ADGRE1: variants seen among roughly 807,000 people sequenced by gnomAD.
ADGRE1 encodes EGF-like module receptor 1.
In ADGRE1, 82 loss-of-function variants were observed where a neutral mutation model predicts 102.7. The ratio of observed to expected loss-of-function variants is 0.80; its 90% CI spans 0.67 to 0.96. The LOEUF (loss-of-function observed/expected upper bound fraction) is 0.96, where lower values mean the gene tolerates loss of function less well. Ranked by LOEUF, ADGRE1 falls within the 40% of genes least tolerant of loss-of-function variation. The pLI is 0.00. For missense variants in ADGRE1, 1,032 were observed against 1,085.3 expected, an observed-to-expected ratio of 0.95 and a Z score of 0.69; for synonymous variants, 398 against 399.6, an observed-to-expected ratio of 1.00 and a Z score of 0.05.
At position 6,900,484 on chromosome 19, in the gene ADGRE1, C is replaced by CA; in HGVS notation, c.515-1386dup. ...TGGATAACAGAGCAAGACCTTGTCT[C>CA]AAAAATAAATATATAAATAAATATG... On this transcript the variant is annotated intron_variant, in intron 5 of 20. Transcript: ENST00000312053. Among the ~76,000 whole-genome samples, 5 of 152,202 alleles carry CA rather than the reference C, an allele frequency of 3.3e-5. No individual in the cohort carries two copies. In the Middle Eastern group the frequency reaches 0.017, roughly 518 times the overall value.
intron 14 of ADGRE1, among the ~76,000 whole-genome samples, chr19:6,922,947 G>A (rs911380217): frequency 1.3e-4 from 19 of 151,572 alleles, no homozygotes; most frequent in African/African-American, 4.6e-4. Flanking sequence ...CGTGGTGGCG[G>A]GCACCTGCAG....
intron 2 of ADGRE1, among the ~76,000 whole-genome samples, chr19:6,893,735 C>T (rs162585): frequency 0.99 from 150,049 of 152,292 alleles, 73,931 homozygotes; most frequent in East Asian, 1. Context: ...GGGAATGGTG[C>T]CCATTTCCTG....
rs1261838424 is a variant in ADGRE1 at position 6,937,283 on chromosome 19, G to C, written c.2422G>C (p.Gly808Arg). 1.9e-6 allele frequency: 3 copies of C among 1,613,930 alleles called. No homozygotes were observed. In the African/African-American group the frequency reaches 4.0e-5, roughly 22 times the overall value. The change falls in exon 19 of 21, where the codon GGC becomes CGC. Residue 808 changes from glycine (G) to arginine (R), a missense_variant. Gly to Arg is a moderately radical substitution (Grantham distance 125). Coordinates refer to ENST00000312053, the MANE Select transcript of ADGRE1 (RefSeq NM_001974.5). ...GGCCTTTGCCCAGCTCTTCATCCTG[G>C]GCTGCTCCTGGGTGCTGGGCATTTT... ...FKAFAQLFILGCSWVLGIFQI... is the reference protein window; with the variant it reads ...FKAFAQLFILRCSWVLGIFQI...
At chr19:6,934,942 C>A in intron 17 of ADGRE1, 45 bp from the exon 18 acceptor site, 1 of 1,403,320 alleles carries the variant, frequency 7.1e-7, no homozygotes. Context: ...TGGCCCTTGT[C>A]TATTTGTATA....
At chr19:6,902,618 T>C (rs1347855233) in intron 6 of ADGRE1, among the ~76,000 whole-genome samples, 1 of 151,982 alleles carries the variant, frequency 6.6e-6, no homozygotes, top group Admixed American at 6.6e-5. Context: ...TTTTTGTATT[T>C]TTAGTAGAGA....
At chr19:6,888,864 T>C (rs1234803430) in intron 1 of ADGRE1, among the ~76,000 whole-genome samples, 1 of 152,198 alleles carries the variant, frequency 6.6e-6, no homozygotes, top group Non-Finnish European at 1.5e-5. Flanking sequence ...AGTTGTTATT[T>C]TGGGGTGTTG....
chr19:6,910,628 A>G (rs1039777340), intron 10 of ADGRE1, among the ~76,000 whole-genome samples: 10 of 136,360 alleles, frequency 7.3e-5, no homozygotes, highest in South Asian at 2.4e-4. Flanking sequence ...CTGCAGTGCA[A>G]TGGCGCAATA....
At chr19:6,907,574 G>A (rs919610361) in intron 9 of ADGRE1, among the ~76,000 whole-genome samples, 2 of 151,982 alleles carry the variant, frequency 1.3e-5, no homozygotes, top group Admixed American at 6.6e-5. Flanking sequence ...TCCTGACCTT[G>A]AGTGATCCAC....
intron 11 of ADGRE1, among the ~76,000 whole-genome samples, chr19:6,914,391 A>C (rs1284652420): frequency 6.6e-6 from 1 of 152,170 alleles, no homozygotes; most frequent in Non-Finnish European, 1.5e-5. Context: ...AGATGTAAAC[A>C]CTTGTTATTT....
At chr19:6,895,620 A>T (rs993445507) in intron 2 of ADGRE1, 1 of 152,156 alleles carries the variant, frequency 6.6e-6, no homozygotes, top group Non-Finnish European at 1.5e-5. Context: ...CTGATTTTCC[A>T]AGATGTTCTT....
At chr19:6,928,854 G>T (rs374679160) in intron 17 of ADGRE1, among the ~76,000 whole-genome samples, 1 of 151,698 alleles carries the variant, frequency 6.6e-6, no homozygotes, top group African/African-American at 2.4e-5. Context: ...GAGGAGAATT[G>T]CTTGAACCAG....
At chr19:6,896,717 G>A (rs1312657985) in intron 3 of ADGRE1, 176 bp downstream of exon 3, 4 of 687,748 alleles carry the variant, frequency 5.8e-6, no homozygotes, top group South Asian at 4.5e-5. Flanking sequence ...TGATATGTGG[G>A]GGTGTTGTTA....
At chr19:6,927,681 G>A (rs1974978087) in intron 16 of ADGRE1, among the ~76,000 whole-genome samples, 1 of 151,988 alleles carries the variant, frequency 6.6e-6, no homozygotes, top group African/African-American at 2.4e-5. Context: ...TTTATCTTGA[G>A]ACAGAGTTTT....
At chr19:6,931,976 G>C (rs780758745) in intron 17 of ADGRE1, among the ~76,000 whole-genome samples, 6 of 152,122 alleles carry the variant, frequency 3.9e-5, no homozygotes, top group Non-Finnish European at 1.5e-5. Flanking sequence ...CAAATCTTCA[G>C]AGGCCATAAA....
intron 10 of ADGRE1, among the ~76,000 whole-genome samples, chr19:6,911,386 T>TTTTTTTG: frequency 1.8e-5 from 1 of 55,548 alleles, no homozygotes; most frequent in East Asian, 3.9e-4. Flanking sequence ...TTCCTTTTAG[T>TTTTTTTG]TTTTTTTTTT....
intron 13 of ADGRE1, 50 bp from the exon 14 acceptor site, chr19:6,921,663 A>T: frequency 6.6e-7 from 1 of 1,504,566 alleles, no homozygotes; most frequent in South Asian, 1.3e-5. Context: ...AATCCATTTG[A>T]TGGGGATTCC....
intron 18 of ADGRE1, among the ~76,000 whole-genome samples, chr19:6,936,170 C>G (rs1380068338): frequency 6.6e-6 from 1 of 152,160 alleles, no homozygotes; most frequent in Non-Finnish European, 1.5e-5. Context: ...GGTGTGGTGG[C>G]TCATGCCTGT....
intron 10 of ADGRE1, among the ~76,000 whole-genome samples, chr19:6,912,820 A>T (rs1346897746): frequency 2.0e-5 from 3 of 152,230 alleles, no homozygotes; most frequent in Admixed American, 1.3e-4. Flanking sequence ...AGTATTTCTG[A>T]AAAGATTAAT....
chr19:6,923,354 T>C (rs191325673), intron 14 of ADGRE1, among the ~76,000 whole-genome samples: 5 of 152,304 alleles, frequency 3.3e-5, no homozygotes, highest in Admixed American at 3.3e-4. Flanking sequence ...AGTATTTATA[T>C]AGTATGCTTC....
Sources: allele counts gnomAD v4.1 joint callset (sites outside exome capture counted in the v4.1 genomes callset), GRCh38; gene constraint gnomAD v4.1.1; transcripts MANE v1.5; gene names NCBI Gene and HGNC (gene_info 2026-07-23, HGNC 2026-07-21).